The following PSD4 variants were observed in gnomAD, a reference collection of about 807,000 sequenced individuals.
The protein encoded by PSD4 is PH and SEC7 domain-containing protein 4.
A neutral mutation model predicts 112.5 loss-of-function variants in PSD4; 59 were observed. The observed-to-expected ratio is 0.52, with a 90% CI of 0.43 to 0.65. PSD4 has a LOEUF of 0.65. Ranked by LOEUF, PSD4 falls within the 30% of genes least tolerant of loss-of-function variation. PSD4 has a pLI of 0.00. For missense variants in PSD4, 1,267 were observed against 1,352.6 expected, an observed-to-expected ratio of 0.94 and a Z score of 0.99; for synonymous variants, 533 against 540.0, an observed-to-expected ratio of 0.99 and a Z score of 0.18.
chr2:113,192,128 C>A (rs1255954332), intron 5 of PSD4, among the ~76,000 whole-genome samples: 1 of 151,906 alleles, frequency 6.6e-6, no homozygotes. Flanking sequence ...AAACTCGGAA[C>A]ATGGCTGTGC....
chr2:113,180,067 C>T (rs1688086985), intron 1 of PSD4, among the ~76,000 whole-genome samples: 1 of 152,228 alleles, frequency 6.6e-6, no homozygotes, highest in Non-Finnish European at 1.5e-5. Context: ...TACTGGCCCT[C>T]CTTCCTTCTC....
chr2:113,199,192 A>C lies in PSD4; in HGVS notation c.2879A>C (p.Glu960Ala), dbSNP rs1350019753. The change falls in exon 16 of 17, where the codon GAG (glutamate) becomes GCG (alanine). Residue 960 changes from glutamate (E) to alanine (A), a missense_variant. Physicochemically the swap from Glu to Ala is moderately radical, Grantham distance 107. Coordinates refer to ENST00000245796, the MANE Select transcript of PSD4 (RefSeq NM_012455.3). ...ERRGRGRELE[E>A]HRLRKEYLEY... ...CGGGGCCGTGGCCGCGAGCTGGAGG[A>C]GCACCGCCTGCGGAAGGAGTACCTG... The C allele has an allele frequency of 1.3e-6, 2 of 1,519,210 alleles. No homozygotes were observed. Among genetic ancestry groups the C allele is most frequent in the Non-Finnish European group, 8.8e-7 (1 of 1,136,852 alleles). The allele number at this position is 1,519,210 out of a possible 1,614,324, so 94.1% of individuals were successfully genotyped here. A position where few individuals can be genotyped will look rare whatever the true frequency, so the allele number is the denominator to read the frequency against.
intron 6 of PSD4, 119 bp from the exon 7 acceptor site, chr2:113,192,929 T>A (rs45500294): frequency 0.062 from 62,844 of 1,007,102 alleles, 2,337 homozygotes; most frequent in Non-Finnish European, 0.076. Context: ...CCAGCGTGCC[T>A]GCACCCTTCC....
chr2:113,195,859 G>A, intron 11 of PSD4, 89 bp downstream of exon 11: 5 of 1,546,376 alleles, frequency 3.2e-6, no homozygotes, highest in Non-Finnish European at 4.5e-6. Flanking sequence ...GAGAGTTAGA[G>A]AAACTCAGAT....
intron 10 of PSD4, 53 bp downstream of exon 10, chr2:113,194,001 T>C: frequency 6.4e-7 from 1 of 1,556,554 alleles, no homozygotes; most frequent in Non-Finnish European, 8.8e-7. Context: ...GGAGCCTTGG[T>C]TCTTTGTTCC....
Position 113,209,247 on chromosome 2 carries a change from A to T in PSD4, c.*7832A>T, listed in dbSNP as rs1005128862. 6.6e-6 allele frequency: 1 copy of T among 152,148 alleles called. No individual in the cohort carries two copies. The highest frequency in any genetic ancestry group is 1.5e-5 in the Non-Finnish European group (1 of 68,018). 9.4% of individuals were successfully genotyped at this position (152,148 alleles called of 1,614,324 possible). On this transcript the variant is annotated 3_prime_UTR_variant, in exon 17 of 17. Transcript: ENST00000245796. ...CCGCCTACGGCCTGCTATACCACCC[A>T]TGGCATAGTTTCTGTGGTCTGATGC... is the stretch of plus-strand genomic sequence containing the variant.
In PSD4 at chr2:113,206,189, G is replaced by C. The variant is rs1433176325; in HGVS notation, c.*4774G>C. 1.3e-5 allele frequency: 2 copies of C among 152,328 alleles called. No individual in the cohort carries two copies. The highest frequency in any genetic ancestry group is 2.4e-5 in the African/African-American group (1 of 41,466). 9.4% of individuals were successfully genotyped at this position (152,328 alleles called of 1,614,324 possible). On this transcript the variant is annotated 3_prime_UTR_variant, in exon 17 of 17. Transcript: ENST00000245796. ...TGAGCAAAAATCAAAGCTGGTGTTA[G>C]ACTCTCTTGCTTTCCATAGCTGACC...
intron 1 of PSD4, among the ~76,000 whole-genome samples, chr2:113,179,774 A>G (rs1688079287): frequency 6.6e-6 from 1 of 152,188 alleles, no homozygotes; most frequent in East Asian, 1.9e-4. Flanking sequence ...CAAGTACAAG[A>G]TTAAACATAA....
At chr2:113,176,694 AACAG>A (rs1402342999) in intron 1 of PSD4, among the ~76,000 whole-genome samples, 2 of 152,214 alleles carry the variant, frequency 1.3e-5, no homozygotes, top group Admixed American at 1.3e-4. Context: ...TGGTTGGGAT[AACAG>A]ACAGGAGATT....
chr2:113,205,056 C>T lies in PSD4; in HGVS notation c.*3641C>T, dbSNP rs922248693. The T allele has an allele frequency of 1.3e-5, 2 of 152,090 alleles. No individual in the cohort carries two copies. The highest frequency in any genetic ancestry group is 2.4e-5 in the African/African-American group (1 of 41,390). The allele number at this position is 152,090 out of a possible 1,614,324, so 9.4% of individuals were successfully genotyped here. On this transcript the variant is annotated 3_prime_UTR_variant, in exon 17 of 17. Coordinates refer to ENST00000245796, the MANE Select transcript of PSD4 (RefSeq NM_012455.3). ...GATCTCAGCTCACTGCAACCTCCGCCTCCTGGGTTCAAGAGATTCTCCTTT... is the reference window on the plus strand; with the variant it reads ...GATCTCAGCTCACTGCAACCTCCGCTTCCTGGGTTCAAGAGATTCTCCTTT...
chr2:113,188,814 C>A (rs567759078), intron 5 of PSD4, among the ~76,000 whole-genome samples: 130 of 152,248 alleles, frequency 8.5e-4, no homozygotes, highest in Non-Finnish European at 1.5e-3. Context: ...GTGATCTGCC[C>A]GCCTTGGCCT....
At chr2:113,200,049 C>G (rs1688731326) in intron 16 of PSD4, among the ~76,000 whole-genome samples, 1 of 152,166 alleles carries the variant, frequency 6.6e-6, no homozygotes, top group African/African-American at 2.4e-5. Flanking sequence ...TGGACTTGAA[C>G]TCCTGGCCTC....
rs1003773546 is a variant in PSD4, at chr2:113,193,064, G to A, written c.1855G>A (p.Ala619Thr). 3.7e-6 allele frequency: 6 copies of A among 1,614,054 alleles called. No individual in the cohort carries two copies. In the African/African-American group the frequency reaches 6.7e-5, roughly 18 times the overall value. The change falls in exon 7 of 17, where the codon GCT becomes ACT. Residue 619 changes from alanine (A) to threonine (T), a missense_variant. This residue lies in a region of PSD4 where 544 missense variants were observed against 648.6 expected (regional missense o/e 0.84). Transcript: ENST00000245796. ...CCTCTGCAGCAATGACTTTAGCAGG[G>A]CTGTGGCTGAGGAGTACCTGTCCTT... is the stretch of plus-strand genomic sequence containing the variant. ...YLQKNNDFSRAVAEEYLSFFQ... is the reference protein window; with the variant it reads ...YLQKNNDFSRTVAEEYLSFFQ...
intron 6 of PSD4, 53 bp from the exon 7 acceptor site, chr2:113,192,995 C>T (rs1664282798): frequency 6.4e-7 from 1 of 1,556,444 alleles, no homozygotes; most frequent in African/African-American, 1.4e-5. Flanking sequence ...AGTGCATCTG[C>T]AGCCCCAGCC....
intron 4 of PSD4, 35 bp from the exon 5 acceptor site, chr2:113,185,842 G>A: frequency 6.3e-7 from 1 of 1,590,510 alleles, no homozygotes; most frequent in Non-Finnish European, 8.6e-7. Flanking sequence ...CCTGCCTCCT[G>A]CCCTGTGCCC....
At chr2:113,193,224 G>A (rs768863605) in intron 7 of PSD4, 34 bp from the exon 8 acceptor site, 19 of 1,589,076 alleles carry the variant, frequency 1.2e-5, no homozygotes, top group Admixed American at 3.5e-5. Flanking sequence ...CTAAGCTCCC[G>A]GGCTCTCTCC....
chr2:113,200,886 G>A (rs1688757708), intron 16 of PSD4, among the ~76,000 whole-genome samples: 1 of 152,170 alleles, frequency 6.6e-6, no homozygotes, highest in Non-Finnish European at 1.5e-5. Context: ...GATGGAACAT[G>A]GCATAGAGAT....
chr2:113,195,699 C>T (rs1688587730), intron 10 of PSD4, 28 bp from the exon 11 acceptor site: 1 of 1,613,988 alleles, frequency 6.2e-7, no homozygotes, highest in South Asian at 1.1e-5. Context: ...CTGAGGCTCC[C>T]CTGCCCACCT....
chr2:113,186,860 C>G (rs1573361699), intron 5 of PSD4, among the ~76,000 whole-genome samples: 1 of 152,170 alleles, frequency 6.6e-6, no homozygotes, highest in African/African-American at 2.4e-5. Flanking sequence ...TCCACTTGTC[C>G]CAGAATGCTG....
Sources: allele counts gnomAD v4.1 joint callset (sites outside exome capture counted in the v4.1 genomes callset), GRCh38; gene constraint gnomAD v4.1.1; regional missense constraint gnomAD v4.1.1; transcripts MANE v1.5; gene names NCBI Gene and HGNC (gene_info 2026-07-23, HGNC 2026-07-21).